Variants in MSI2 observed in about 807,000 individuals in gnomAD.
MSI2 encodes RNA-binding protein Musashi homolog 2.
MSI2 carries 17 observed loss-of-function variants against 45.6 expected under a neutral mutation model. That is an observed-to-expected ratio of 0.37 (90% confidence interval 0.26 to 0.56). The LOEUF (loss-of-function observed/expected upper bound fraction) is 0.56, where lower values mean the gene tolerates loss of function less well. Ranked by LOEUF, MSI2 falls within the 20% of genes least tolerant of loss-of-function variation. The pLI is 0.77. For synonymous variants in MSI2, 156 were observed against 158.2 expected (o/e 0.99, Z 0.11); for missense variants, 293 against 444.2 (o/e 0.66, Z 3.06).
At chr17:57,287,432 G>C (rs764431666) in intron 5 of MSI2, among the ~76,000 whole-genome samples, 2 of 152,196 alleles carry the variant, frequency 1.3e-5, no homozygotes, top group Non-Finnish European at 2.9e-5. Flanking sequence ...TAGTGTGTGT[G>C]AGGGGCTGTC....
intron 10 of MSI2, among the ~76,000 whole-genome samples, chr17:57,643,353 T>G (rs1359934006): frequency 1.3e-5 from 2 of 152,220 alleles, no homozygotes; most frequent in Non-Finnish European, 2.9e-5. Context: ...GACCAAAGCC[T>G]ATTCTCAAGC....
At chr17:57,346,407 C>T (rs1272068647) in intron 5 of MSI2, among the ~76,000 whole-genome samples, 1 of 150,214 alleles carries the variant, frequency 6.7e-6, no homozygotes, top group African/African-American at 2.5e-5. Flanking sequence ...ATTCATTGAT[C>T]TACCCCTTTG....
At chr17:57,599,660 G>A (rs1905645335) in intron 8 of MSI2, among the ~76,000 whole-genome samples, 2 of 152,236 alleles carry the variant, frequency 1.3e-5, no homozygotes, top group Admixed American at 1.3e-4. Flanking sequence ...TAGACAAGAG[G>A]AAGAAGTGGG....
intron 7 of MSI2, among the ~76,000 whole-genome samples, chr17:57,569,015 T>C (rs2087807831): frequency 6.6e-6 from 1 of 152,180 alleles, no homozygotes; most frequent in Non-Finnish European, 1.5e-5. Flanking sequence ...AAAAATTTTT[T>C]TGACTGTGTC....
intron 5 of MSI2, among the ~76,000 whole-genome samples, chr17:57,308,155 A>G (rs866586476): frequency 1.3e-5 from 2 of 152,186 alleles, no homozygotes; most frequent in African/African-American, 4.8e-5. Context: ...AGGAGGAGTA[A>G]TATCTGCCTC....
intron 6 of MSI2, among the ~76,000 whole-genome samples, chr17:57,479,583 G>C (rs567066190): frequency 1.3e-5 from 2 of 152,256 alleles, no homozygotes; most frequent in South Asian, 4.1e-4. Context: ...TGAAGAGCAG[G>C]AAGGACACAT....
intron 6 of MSI2, among the ~76,000 whole-genome samples, chr17:57,520,891 G>A (rs777040306): frequency 3.3e-4 from 50 of 151,832 alleles, no homozygotes; most frequent in Non-Finnish European, 6.3e-4. Flanking sequence ...TCTTGAACTC[G>A]GGACCTCAAG....
the MSI2 span, among the ~76,000 whole-genome samples, chr17:57,699,477 G>A: frequency 1.5e-4 from 23 of 151,798 alleles, no homozygotes; most frequent in Non-Finnish European, 2.5e-4. Context: ...TGAATGTCTT[G>A]CGCTCTGCCT....
At chr17:57,626,821 C>G (rs1908851535) in intron 9 of MSI2, 1 of 192,940 alleles carries the variant, frequency 5.2e-6, no homozygotes, top group Non-Finnish European at 1.1e-5. Flanking sequence ...GGTGCTGGCT[C>G]TGTTGTCCAC....
intron 7 of MSI2, among the ~76,000 whole-genome samples, chr17:57,593,347 T>G (rs567235732): frequency 4.6e-5 from 7 of 152,202 alleles, no homozygotes; most frequent in Non-Finnish European, 1.0e-4. Flanking sequence ...GTCTCACAGT[T>G]CTGGAAGCCA....
At chr17:57,543,452 G>T (rs1055487771) in intron 7 of MSI2, among the ~76,000 whole-genome samples, 1 of 152,340 alleles carries the variant, frequency 6.6e-6, no homozygotes, top group Admixed American at 6.5e-5. Flanking sequence ...TTAGCCAGGG[G>T]TCTGTTGCAG....
At chr17:57,561,295 G>T (rs2087568364) in intron 7 of MSI2, among the ~76,000 whole-genome samples, 1 of 152,140 alleles carries the variant, frequency 6.6e-6, no homozygotes, top group African/African-American at 2.4e-5. Context: ...TTGCCCACCT[G>T]CCTGGAACAC....
At chr17:57,528,885 A>G (rs1208217052) in intron 6 of MSI2, among the ~76,000 whole-genome samples, 1 of 152,220 alleles carries the variant, frequency 6.6e-6, no homozygotes, top group East Asian at 1.9e-4. Flanking sequence ...AGTTGAGCCC[A>G]TAACAATCAG....
chr17:57,489,571 C>T lies in MSI2; in HGVS notation c.406-40105C>T, dbSNP rs1237235517. ...CAGAGGCCGGCGGGGCCAGCTGGTA[C>T]AGCCCAGCAGCTTTCCCAGAACCTC... On this transcript the variant is annotated intron_variant, in intron 6 of 13. Transcript: ENST00000284073. Among the ~76,000 whole-genome samples the T allele has an allele frequency of 2.6e-5, 4 of 152,240 alleles. No homozygotes were observed. In the East Asian group the frequency reaches 7.7e-4, roughly 29 times the overall value.
At chr17:57,533,864 AGGGGACTTCCAGCT>A (rs942942760) in intron 7 of MSI2, among the ~76,000 whole-genome samples, 1 of 152,150 alleles carries the variant, frequency 6.6e-6, no homozygotes, top group African/African-American at 2.4e-5. Flanking sequence ...GAAATCCTGG[AGGGGACTTCCAGCT>A]GGGGACTATC....
intron 13 of MSI2, among the ~76,000 whole-genome samples, chr17:57,678,811 A>C (rs1024871287): frequency 6.6e-6 from 1 of 152,190 alleles, no homozygotes; most frequent in African/African-American, 2.4e-5. Context: ...GGATTAGGTG[A>C]GCTCATAGAG....
intron 13 of MSI2, 104 bp downstream of exon 13, chr17:57,677,163 A>ATC (rs1913291459): frequency 1.3e-6 from 1 of 793,430 alleles, no homozygotes; most frequent in Admixed American, 1.9e-5. Flanking sequence ...TCACATCCAC[A>ATC]TCTCTCTCTC....
intron 5 of MSI2, among the ~76,000 whole-genome samples, chr17:57,317,506 C>CT (rs921448429): frequency 0.094 from 8,883 of 94,648 alleles, 687 homozygotes; most frequent in Non-Finnish European, 0.13. Context: ...TATAGTTTTG[C>CT]TTTTTTTTTT....
At chr17:57,459,101 T>C (rs1316312199) in intron 6 of MSI2, among the ~76,000 whole-genome samples, 2 of 152,162 alleles carry the variant, frequency 1.3e-5, no homozygotes, top group Non-Finnish European at 2.9e-5. Flanking sequence ...ATTTAATAAG[T>C]GTTGAGTAAA....
Sources: gnomAD v4.1 joint callset for allele counts (sites outside exome capture counted in the v4.1 genomes callset) on GRCh38, gnomAD v4.1.1 for gene constraint, MANE v1.5 for transcripts, NCBI Gene and HGNC (gene_info 2026-07-23, HGNC 2026-07-21) for gene names.